The following BRWD1 variants were observed in gnomAD, a reference collection of about 807,000 sequenced individuals.
BRWD1 encodes the protein bromodomain and WD repeat-containing protein 1.
In BRWD1, 82 loss-of-function variants were observed where a neutral mutation model predicts 251.2. The observed-to-expected ratio is 0.33, with a 90% CI of 0.27 to 0.39. The LOEUF is 0.39. BRWD1 is among the 10% of genes least tolerant of loss of function. BRWD1 has a pLI of 1.00. For missense variants in BRWD1, 2,233 were observed against 2,711.6 expected (o/e 0.82, Z 3.92); for synonymous variants, 918 against 902.8 (o/e 1.02, Z -0.30).
At chr21:39,318,785 A>AT (rs1374662431), upstream of BRWD1, among the ~76,000 whole-genome samples, 1 of 151,866 alleles carries the variant, frequency 6.6e-6, no homozygotes, top group Admixed American at 6.6e-5. Flanking sequence ...TGCCTGGCTA[A>AT]TTTTTTACTG....
chr21:39,259,000 C>T (rs1299929617), intron 17 of BRWD1, among the ~76,000 whole-genome samples: 1 of 152,184 alleles, frequency 6.6e-6, no homozygotes, highest in African/African-American at 2.4e-5. Flanking sequence ...ATATATTTCA[C>T]TAAAATCTTA....
At chr21:39,229,212 CAGTTACCCTGG>C in intron 26 of BRWD1, 89 bp downstream of exon 26, 2 of 1,070,742 alleles carry the variant, frequency 1.9e-6, no homozygotes, top group Non-Finnish European at 2.7e-6. Context: ...AGTGCTCTAC[CAGTTACCCTGG>C]AGTTAAATGG....
intron 8 of BRWD1, among the ~76,000 whole-genome samples, chr21:39,284,682 G>A (rs2035576475): frequency 6.6e-6 from 1 of 152,166 alleles, no homozygotes; most frequent in Admixed American, 6.5e-5. Context: ...AATTAGTGAT[G>A]TTAAGCATAT....
rs758913258 is a variant in BRWD1, at chr21:39,232,292, AG to A, written c.2893-9del. ...CTGTCGAAAATATATTACCTACAAAAGGGAAATATGCATTTAAAAATTAAGA... is the reference window on the plus strand; with the variant it reads ...CTGTCGAAAATATATTACCTACAAAAGGAAATATGCATTTAAAAATTAAGA... On this transcript the variant is annotated splice_polypyrimidine_tract_variant and intron_variant, in intron 24 of 40. Coordinates refer to ENST00000342449, the MANE Select transcript of BRWD1 (RefSeq NM_033656.4). 1.9e-6 allele frequency: 3 copies of A among 1,605,566 alleles called. No homozygotes were observed. Among genetic ancestry groups the A allele is most frequent in the Non-Finnish European group, 2.5e-6 (3 of 1,176,990 alleles).
rs1392606649 is a variant in BRWD1, at chr21:39,189,101, T to C, written c.*7158A>G. The C allele has an allele frequency of 2.0e-6, 2 of 983,728 alleles. No homozygotes were observed. The highest frequency in any genetic ancestry group is 2.4e-6 in the Non-Finnish European group (2 of 828,456). 60.9% of individuals were successfully genotyped at this position (983,728 alleles called of 1,614,324 possible). Reference sequence around the variant, plus strand: ...TATCCAAAATGAATCTTTAACACATTAAATCAATGTTAGCAAATGCTAAAA... The same window carrying C: ...TATCCAAAATGAATCTTTAACACATCAAATCAATGTTAGCAAATGCTAAAA... On this transcript the variant is annotated 3_prime_UTR_variant, in exon 41 of 41. Coordinates refer to ENST00000342449, the MANE Select transcript of BRWD1 (RefSeq NM_033656.4).
chr21:39,228,458 TA>T, intron 27 of BRWD1, 41 bp downstream of exon 27: 1 of 1,359,680 alleles, frequency 7.4e-7, no homozygotes, highest in Non-Finnish European at 1.0e-6. Context: ...TAAAACAGAT[TA>T]ATTTTTAAGG....
At chr21:39,200,536 C>G (rs1419276762) in intron 38 of BRWD1, 150 bp from the exon 39 acceptor site, 1 of 621,730 alleles carries the variant, frequency 1.6e-6, no homozygotes, top group Non-Finnish European at 2.4e-6. Flanking sequence ...AAAAACCATT[C>G]CCAAAAAAAG....
At chr21:39,286,497 G>T (rs1054741180) in intron 8 of BRWD1, among the ~76,000 whole-genome samples, 2 of 151,452 alleles carry the variant, frequency 1.3e-5, no homozygotes, top group South Asian at 4.2e-4. Flanking sequence ...GAAAATAAAA[G>T]TTTTTTATTT....
chr21:39,306,103 C>T (rs929629077), intron 4 of BRWD1, among the ~76,000 whole-genome samples: 6 of 149,580 alleles, frequency 4.0e-5, no homozygotes, highest in Admixed American at 3.3e-4. Flanking sequence ...CCGAGTCTCA[C>T]TCTGTCACCA....
chr21:39,313,589 G>GCGCCCC lies in BRWD1; in HGVS notation c.-99_-98insGGGGCG, dbSNP rs2036598328. ...GCTGGCGTCCCCTCTTCTCAGGCGC[G>GCGCCCC]CGCCGCCGCCGCCGCCGCCGCCGCC... On this transcript the variant is annotated 5_prime_UTR_variant, in exon 1 of 41. Transcript: ENST00000342449. 11 of 650,036 alleles carry GCGCCCC rather than the reference G, an allele frequency of 1.7e-5. No homozygotes were observed. Among genetic ancestry groups the GCGCCCC allele is most frequent in the Non-Finnish European group, 2.2e-5 (10 of 462,364 alleles). 40.3% of individuals were successfully genotyped at this position (650,036 alleles called of 1,614,324 possible).
At chr21:39,281,069 G>T (rs913022920) in intron 8 of BRWD1, among the ~76,000 whole-genome samples, 4 of 152,106 alleles carry the variant, frequency 2.6e-5, no homozygotes, top group Admixed American at 6.6e-5. Flanking sequence ...CAAAAGCGAG[G>T]GGGAATATGG....
chr21:39,309,414 C>T (rs115757108), intron 4 of BRWD1, among the ~76,000 whole-genome samples: 2,308 of 152,014 alleles, frequency 0.015, 58 homozygotes, highest in African/African-American at 0.053. Flanking sequence ...GCTGTGATCA[C>T]ACCACTGCAC....
chr21:39,250,271 G>T (rs114262621), intron 20 of BRWD1, among the ~76,000 whole-genome samples: 2,319 of 152,020 alleles, frequency 0.015, 58 homozygotes, highest in African/African-American at 0.053. Context: ...AATGTAAATC[G>T]TCTCTGGGAA....
Position 39,199,306 on chromosome 21 carries a change from T to G in BRWD1, c.5110A>C (p.Ser1704Arg). 6.2e-7 allele frequency: 1 copy of G among 1,614,210 alleles called. No individual in the cohort carries two copies. The highest frequency in any genetic ancestry group is 1.3e-5 in the African/African-American group (1 of 75,072). The change falls in exon 40 of 41, where the codon AGT (serine) becomes CGT (arginine). Residue 1704 changes from serine to arginine, a missense_variant. Ser to Arg is a moderately radical substitution (Grantham distance 110, BLOSUM62 -1). Around this residue, in one of 12 missense-constraint regions of BRWD1, gnomAD observed 928 missense variants for 970.0 expected, o/e 0.96. Coordinates refer to ENST00000342449, the MANE Select transcript of BRWD1 (RefSeq NM_033656.4). ...ACATTGCTCTGGGCAGTGTGAGAAC[T>G]GGACACTGGTAATAGTTGATTTTCA... ...KDENQLLPVS[S>R]SHTAQSNVDE...
chr21:39,258,726 A>C (rs1285632776), intron 17 of BRWD1, 54 bp from the exon 18 acceptor site: 15 of 1,314,846 alleles, frequency 1.1e-5, no homozygotes, highest in Non-Finnish European at 1.4e-5. Flanking sequence ...AACAAAAAAA[A>C]ATTTCGTTAG....
intron 36 of BRWD1, among the ~76,000 whole-genome samples, chr21:39,208,516 T>C (rs1348300084): frequency 6.6e-6 from 1 of 152,194 alleles, no homozygotes; most frequent in Non-Finnish European, 1.5e-5. Context: ...TGTTGTAAGA[T>C]CAAACAAGTA....
intron 38 of BRWD1, among the ~76,000 whole-genome samples, chr21:39,201,280 A>T (rs1212136868): frequency 6.6e-6 from 1 of 152,250 alleles, no homozygotes; most frequent in Non-Finnish European, 1.5e-5. Context: ...TGCCCACCTC[A>T]GCTACTCCTG....
intron 20 of BRWD1, among the ~76,000 whole-genome samples, chr21:39,249,912 G>A (rs1377833906): frequency 3.0e-5 from 1 of 33,682 alleles, no homozygotes; most frequent in Non-Finnish European, 7.0e-5. Flanking sequence ...AAAAAAGAAG[G>A]GGGGTGTGTG....
At chr21:39,276,353 C>G in intron 11 of BRWD1, 140 bp from the exon 12 acceptor site, 4 of 531,598 alleles carry the variant, frequency 7.5e-6, no homozygotes, top group Non-Finnish European at 1.3e-5. Flanking sequence ...TGTCATTCAA[C>G]ATGTTTTATA....
Sources: allele counts gnomAD v4.1 joint callset (sites outside exome capture counted in the v4.1 genomes callset), GRCh38; gene constraint gnomAD v4.1.1; regional missense constraint gnomAD v4.1.1; transcripts MANE v1.5; gene names NCBI Gene and HGNC (gene_info 2026-07-23, HGNC 2026-07-21).